The following TM6SF2 variants were observed in gnomAD, a reference collection of about 807,000 sequenced individuals.
The protein encoded by TM6SF2 is transmembrane 6 superfamily member 2.
A neutral mutation model predicts 41.0 loss-of-function variants in TM6SF2; 29 were observed. The ratio of observed to expected loss-of-function variants is 0.71; its 90% CI spans 0.53 to 0.96. The LOEUF is 0.96. Among genes scored for constraint, TM6SF2 ranks in the 50% least tolerant of loss-of-function variants. The probability of loss-of-function intolerance (pLI) is 0.00; values close to 1 mark genes in which losing one functional copy is unlikely to be tolerated. For missense variants in TM6SF2, 475 were observed against 499.0 expected (o/e 0.95, Z 0.46); for synonymous variants, 200 against 209.1 (o/e 0.96, Z 0.37).
intron 9 of TM6SF2, 125 bp downstream of exon 9, chr19:19,266,365 G>C (rs2061002889): frequency 1.5e-6 from 2 of 1,363,316 alleles, no homozygotes; most frequent in Admixed American, 2.1e-5. Context: ...CTGGGATATT[G>C]GGCCTGGGGC....
intron 9 of TM6SF2, among the ~76,000 whole-genome samples, chr19:19,265,364 A>G (rs1164503069): frequency 1.9e-5 from 2 of 106,824 alleles, no homozygotes; most frequent in Admixed American, 9.5e-5. Flanking sequence ...TAAAATTTCT[A>G]TCTATCTATC....
intron 7 of TM6SF2, 48 bp from the exon 8 acceptor site, chr19:19,267,761 G>C: frequency 6.4e-7 from 1 of 1,566,450 alleles, no homozygotes; most frequent in Non-Finnish European, 8.7e-7. Context: ...CCTCCCACAG[G>C]AAGCCTCCCC....
At chr19:19,266,803 C>T in intron 8 of TM6SF2, 194 bp from the exon 9 acceptor site, 1 of 578,380 alleles carries the variant, frequency 1.7e-6, no homozygotes, top group East Asian at 3.4e-5. Context: ...ATACACCAAA[C>T]CTACTAACCT....
intron 1 of TM6SF2, among the ~76,000 whole-genome samples, chr19:19,272,476 A>T (rs1036540214): frequency 7.2e-5 from 11 of 151,840 alleles, no homozygotes; most frequent in Middle Eastern, 3.4e-3. Context: ...CATGGTTAAG[A>T]CTCTCTCCAC....
At chr19:19,273,058 T>TCCAGGCCCCCCCCCCCCCCCCCC in intron 1 of TM6SF2, 63 bp downstream of exon 1, 1 of 470,236 alleles carries the variant, frequency 2.1e-6, no homozygotes, top group Non-Finnish European at 3.8e-6. Flanking sequence ...CCACCTCCAG[T>TCCAGGCCCCCCCCCCCCCCCCCC]CCTCCCCGCC....
rs2061022709 is a variant in TM6SF2 at position 19,271,142 on chromosome 19, C to T, written c.96-17G>A. The T allele has an allele frequency of 1.9e-6, 3 of 1,607,970 alleles. No homozygotes were observed. The highest frequency in any genetic ancestry group is 2.7e-5 in the African/African-American group (2 of 74,794). ...CACAGGGGGCTGTGGAGAGGGAAGC[C>T]AAGTCAGGGAGGCCAGGCCCAGTGC... On this transcript the variant is annotated splice_polypyrimidine_tract_variant and intron_variant, in intron 1 of 9. Transcript: ENST00000389363.
intron 1 of TM6SF2, among the ~76,000 whole-genome samples, chr19:19,272,452 C>T (rs953023418): frequency 2.0e-5 from 3 of 152,188 alleles, no homozygotes; most frequent in Admixed American, 6.5e-5. Flanking sequence ...TATTCCCACC[C>T]AGGGAGCCAG....
chr19:19,265,243 T>C (rs1431285172), intron 9 of TM6SF2, among the ~76,000 whole-genome samples: 1 of 151,966 alleles, frequency 6.6e-6, no homozygotes, highest in Non-Finnish European at 1.5e-5. Flanking sequence ...AGATGGGGTA[T>C]CATCATGTTG....
At chr19:19,272,694 T>TGG (rs1568613581) in intron 1 of TM6SF2, among the ~76,000 whole-genome samples, 32 of 119,056 alleles carry the variant, frequency 2.7e-4, no homozygotes, top group African/African-American at 1.5e-3. Context: ...TGGAGTAGGG[T>TGG]GTGTGTGTGT....
chr19:19,269,369 A>T (rs2061014707), intron 5 of TM6SF2, among the ~76,000 whole-genome samples: 1 of 152,024 alleles, frequency 6.6e-6, no homozygotes, highest in South Asian at 2.1e-4. Context: ...ACCTCCCAAG[A>T]CCTACCCCTG....
intron 8 of TM6SF2, 92 bp downstream of exon 8, chr19:19,267,529 G>A: frequency 1.1e-6 from 1 of 933,256 alleles, no homozygotes; most frequent in Non-Finnish European, 1.6e-6. Flanking sequence ...GCTTCTGCCT[G>A]TTTGAGTTGT....
intron 1 of TM6SF2, 36 bp from the exon 2 acceptor site, chr19:19,271,161 C>T (rs769723406): frequency 6.4e-7 from 1 of 1,560,204 alleles, no homozygotes; most frequent in Non-Finnish European, 8.8e-7. Flanking sequence ...GAGGCCAGGC[C>T]CAGTGCTGAG....
At position 19,264,779 on chromosome 19, in the gene TM6SF2, T is replaced by C; in HGVS notation, c.1019A>G (p.Asn340Ser). The change falls in exon 10 of 10, where the codon AAT becomes AGT. Residue 340 changes from asparagine to serine, a missense_variant. Asn to Ser is a conservative substitution (Grantham distance 46). Around this residue, in one of 3 missense-constraint regions of TM6SF2, gnomAD observed 190 missense variants for 190.2 expected, o/e 1.00. Transcript: ENST00000389363. Reference sequence around the variant, plus strand: ...GTGGGGGCCCAGCGCATACAGCAGATTGCACACGAAGAAGCAGCCCCAGGT... The same window carrying C: ...GTGGGGGCCCAGCGCATACAGCAGACTGCACACGAAGAAGCAGCCCCAGGT... ...EDTWGCFFVC[N>S]LLYALGPHLL... is the part of the protein sequence containing the mutation. 1 of 1,610,498 alleles carries C rather than the reference T, an allele frequency of 6.2e-7. No individual in the cohort carries two copies. The highest frequency in any genetic ancestry group is 8.5e-7 in the Non-Finnish European group (1 of 1,178,502).
At chr19:19,265,047 T>G (rs1238971539) in intron 9 of TM6SF2, among the ~76,000 whole-genome samples, 174 bp from the exon 10 acceptor site, 47 of 148,460 alleles carry the variant, frequency 3.2e-4, no homozygotes, top group African/African-American at 1.1e-3. Context: ...TGTTTTTTTT[T>G]TTTTTTTTTT....
intron 6 of TM6SF2, 121 bp from the exon 7 acceptor site, chr19:19,268,208 CT>C (rs536426725): frequency 0.19 from 100,064 of 534,886 alleles, no homozygotes; most frequent in East Asian, 0.22. Flanking sequence ...TTTCTTTTTT[CT>C]TTTTTTTTTT....
In TM6SF2 at chr19:19,264,887, A is replaced by G. The variant is rs1487482586; in HGVS notation, c.925-14T>C. 6.6e-7 allele frequency: 1 copy of G among 1,525,830 alleles called. No individual in the cohort carries two copies. The allele number at this position is 1,525,830 out of a possible 1,614,324, so 94.5% of individuals were successfully genotyped here. A position where few individuals can be genotyped will look rare whatever the true frequency, so the allele number is the denominator to read the frequency against. On this transcript the variant is annotated splice_polypyrimidine_tract_variant and intron_variant, in intron 9 of 9. Transcript: ENST00000389363. ...CGAGAACTGTGCCTGGTAGCCAGAC[A>G]GGGAAGATGGATGTCAGGGGCCAGG...
intron 2 of TM6SF2, 103 bp downstream of exon 2, chr19:19,270,919 G>T (rs2074302): frequency 3.2e-6 from 3 of 938,414 alleles, no homozygotes; most frequent in South Asian, 1.3e-5. Context: ...AGCTCTTAAA[G>T]GGCCCCCAGT....
At chr19:19,267,942 A>C (rs574999847) in intron 7 of TM6SF2, 44 bp downstream of exon 7, 1 of 1,417,148 alleles carries the variant, frequency 7.1e-7, no homozygotes, top group East Asian at 2.3e-5. Context: ...CAGGGAAGGG[A>C]GACTGGTGGC....
chr19:19,268,150 C>T (rs1380308782), intron 6 of TM6SF2, 63 bp from the exon 7 acceptor site: 1 of 1,156,294 alleles, frequency 8.6e-7, no homozygotes, highest in Non-Finnish European at 1.3e-6. Context: ...TCAGTAGGTA[C>T]TCAATAAAGG....
Sources: gnomAD v4.1 joint callset for allele counts (sites outside exome capture counted in the v4.1 genomes callset) on GRCh38, gnomAD v4.1.1 for gene constraint, gnomAD v4.1.1 regional missense constraint, MANE v1.5 for transcripts, NCBI Gene and HGNC (gene_info 2026-07-23, HGNC 2026-07-21) for gene names.